Variants in SDK2 observed in about 807,000 individuals in gnomAD.
SDK2 encodes the protein protein sidekick-2.
A neutral mutation model predicts 253.9 loss-of-function variants in SDK2; 105 were observed. The observed-to-expected ratio is 0.41, with a 90% CI of 0.35 to 0.49. The LOEUF (loss-of-function observed/expected upper bound fraction) is 0.49, where lower values mean the gene tolerates loss of function less well. SDK2 is among the 20% of genes least tolerant of loss of function. The pLI, the probability that SDK2 is intolerant of heterozygous loss-of-function variation, is 0.06. For synonymous variants in SDK2, 1,249 were observed against 1,234.9 expected, an observed-to-expected ratio of 1.01 and a Z score of -0.24; for missense variants, 2,608 against 3,003.0, an observed-to-expected ratio of 0.87 and a Z score of 3.07.
At chr17:73,641,955 C>T (rs530719952) in intron 1 of SDK2, among the ~76,000 whole-genome samples, 1 of 152,158 alleles carries the variant, frequency 6.6e-6, no homozygotes, top group East Asian at 1.9e-4. Flanking sequence ...GGGCTCGATG[C>T]TGGAAAACAC....
intron 1 of SDK2, among the ~76,000 whole-genome samples, chr17:73,559,118 A>G (rs1306992423): frequency 2.6e-5 from 4 of 152,144 alleles, no homozygotes; most frequent in South Asian, 2.1e-4. Context: ...ACTGATTTCA[A>G]CTGGACTCTC....
intron 1 of SDK2, among the ~76,000 whole-genome samples, chr17:73,628,420 G>A (rs926414591): frequency 1.3e-5 from 2 of 152,242 alleles, no homozygotes; most frequent in African/African-American, 4.8e-5. Context: ...GAGGATTGGA[G>A]GGGCAGATCC....
chr17:73,401,921 AAG>A (rs2063030962), intron 19 of SDK2, 23 bp downstream of exon 19: 4 of 1,557,372 alleles, frequency 2.6e-6, no homozygotes, highest in Non-Finnish European at 3.5e-6. Context: ...GGGGGGCAGA[AAG>A]AGCAGGGCTG....
Position 73,570,728 on chromosome 17 carries a change from C to T in SDK2, c.65-63131G>A, listed in dbSNP as rs1007105900. 6.6e-6 allele frequency among the ~76,000 whole-genome samples: 1 copy of T among 152,228 alleles called. No individual in the cohort carries two copies. Among genetic ancestry groups the T allele is most frequent in the South Asian group, 2.1e-4 (1 of 4,830 alleles). On this transcript the variant is annotated intron_variant, in intron 1 of 44. Transcript: ENST00000392650. This position sits in a 1 kb window ranked among gnomAD's most constrained non-coding sequence, Gnocchi z 4.2. ...TCCTTGCCCGTGGCAGAACTCATAT[C>T]AAAGCCAGGTCAGTCTCTAACACCG... is the stretch of plus-strand genomic sequence containing the variant.
intron 1 of SDK2, among the ~76,000 whole-genome samples, chr17:73,615,371 C>T (rs531930304): frequency 1.8e-4 from 27 of 152,304 alleles, no homozygotes; most frequent in African/African-American, 5.1e-4. Flanking sequence ...AGTCTCTGCC[C>T]GGATGCCCTC....
intron 3 of SDK2, among the ~76,000 whole-genome samples, chr17:73,466,019 G>T (rs113002472): frequency 6.6e-6 from 1 of 152,322 alleles, no homozygotes; most frequent in South Asian, 2.1e-4. Flanking sequence ...GCCCCAGACT[G>T]GGGTAGGGAG....
intron 1 of SDK2, among the ~76,000 whole-genome samples, chr17:73,594,490 GGA>G (rs147763934): frequency 4.0e-5 from 6 of 151,464 alleles, no homozygotes; most frequent in Non-Finnish European, 5.9e-5. Context: ...AGAGGGAGGG[GGA>G]GAGAGAGAGA....
intron 2 of SDK2, among the ~76,000 whole-genome samples, chr17:73,489,971 T>C (rs2145727130): frequency 6.6e-6 from 1 of 151,900 alleles, no homozygotes; most frequent in Non-Finnish European, 1.5e-5. Flanking sequence ...GGGCACAGAG[T>C]TTTCTGCAAA....
At chr17:73,450,535 G>C (rs902285444) in intron 4 of SDK2, among the ~76,000 whole-genome samples, 1 of 152,168 alleles carries the variant, frequency 6.6e-6, no homozygotes, top group African/African-American at 2.4e-5. Context: ...CAAGCCTCCA[G>C]TGGGCACACT....
chr17:73,576,968 C>A (rs1030682302), intron 1 of SDK2, among the ~76,000 whole-genome samples: 5 of 152,220 alleles, frequency 3.3e-5, no homozygotes, highest in African/African-American at 7.2e-5. Context: ...CTCTGAACAG[C>A]AGAGGCTTCG....
At chr17:73,429,211 A>G (rs1368726672) in intron 12 of SDK2, among the ~76,000 whole-genome samples, 1 of 152,168 alleles carries the variant, frequency 6.6e-6, no homozygotes, top group Non-Finnish European at 1.5e-5. Context: ...TGGGCCCGAG[A>G]TACACAGCAG....
intron 24 of SDK2, among the ~76,000 whole-genome samples, chr17:73,396,286 T>C (rs2062970164): frequency 6.6e-6 from 1 of 152,074 alleles, no homozygotes; most frequent in East Asian, 1.9e-4. Flanking sequence ...TGGATGACCA[T>C]GGGCAGTGCT....
At chr17:73,549,918 C>A (rs1290615875) in intron 1 of SDK2, among the ~76,000 whole-genome samples, 1 of 152,126 alleles carries the variant, frequency 6.6e-6, no homozygotes, top group Non-Finnish European at 1.5e-5. Flanking sequence ...TGGTCATAAC[C>A]AGGTGGAGGG....
intron 1 of SDK2, among the ~76,000 whole-genome samples, chr17:73,626,230 G>A (rs2046199200): frequency 6.6e-6 from 1 of 152,218 alleles, no homozygotes; most frequent in South Asian, 2.1e-4. Context: ...GAGCGAGCTG[G>A]GGAACAGATC....
In SDK2 at chr17:73,390,358, C is replaced by T. The variant is rs138821148; in HGVS notation, c.4121G>A (p.Arg1374His). 391 of 1,611,442 alleles carry T rather than the reference C, an allele frequency of 2.4e-4. 2 individuals carry two copies. The African/African-American group carries it at 4.5e-3, about 19-fold the overall frequency. ...GCCCTTGCGGGTCTGGGCCGTGATGCGGAACAGGTAGACAGACTCTGGCTT... is the reference window on the plus strand; with the variant it reads ...GCCCTTGCGGGTCTGGGCCGTGATGTGGAACAGGTAGACAGACTCTGGCTT... The part of the protein sequence containing the change: ...GLKPESVYLF[R>H]ITAQTRKGWG... Residue 1374 changes from arginine (R) to histidine (H), a missense_variant, in exon 29 of 45, where the codon CGC (arginine) becomes CAC (histidine). Physicochemically the swap from Arg to His is conservative, Grantham distance 29 (BLOSUM62 0). Around this residue, in one of 2 missense-constraint regions of SDK2, gnomAD observed 1,103 missense variants for 1,143.9 expected, o/e 0.96. Coordinates refer to ENST00000392650, the MANE Select transcript of SDK2 (RefSeq NM_001144952.2).
At chr17:73,471,553 G>A (rs1173211998) in intron 3 of SDK2, among the ~76,000 whole-genome samples, 2 of 152,150 alleles carry the variant, frequency 1.3e-5, no homozygotes, top group Admixed American at 6.5e-5. Context: ...AGCCAAGATT[G>A]CACCACTGAA....
rs1392940362 is a variant in SDK2, at chr17:73,402,022, G to T, written c.2604C>A (p.Phe868Leu). ...VSGLKKFTEY[F>L]TSVLCFTTPG... Reference sequence around the variant, plus strand: ...GGGTGGTGAAACACAGCACTGAGGTGAAGTACTCGGTGAACTTCTTCAGGC... The same window carrying T: ...GGGTGGTGAAACACAGCACTGAGGTTAAGTACTCGGTGAACTTCTTCAGGC... The change falls in exon 19 of 45, where the codon TTC becomes TTA. Residue 868 changes from phenylalanine to leucine, a missense_variant. Coordinates refer to ENST00000392650, the MANE Select transcript of SDK2 (RefSeq NM_001144952.2). 1.9e-6 allele frequency: 3 copies of T among 1,613,946 alleles called. No individual in the cohort carries two copies. Among genetic ancestry groups the T allele is most frequent in the South Asian group, 2.2e-5 (2 of 91,068 alleles).
chr17:73,459,661 G>C (rs373916806), intron 3 of SDK2, among the ~76,000 whole-genome samples: 3 of 151,658 alleles, frequency 2.0e-5, no homozygotes, highest in African/African-American at 7.3e-5. Context: ...TAGTTCTGTC[G>C]TTCCATTACT....
chr17:73,451,419 G>C (rs550208503), intron 4 of SDK2, among the ~76,000 whole-genome samples: 1 of 152,324 alleles, frequency 6.6e-6, no homozygotes, highest in Non-Finnish European at 1.5e-5. Flanking sequence ...CAGGAGAATT[G>C]CTTGAACTCA....
Sources: allele counts gnomAD v4.1 joint callset (sites outside exome capture counted in the v4.1 genomes callset), GRCh38; gene constraint gnomAD v4.1.1; regional missense constraint gnomAD v4.1.1; non-coding constraint Gnocchi (gnomAD v3.1); transcripts MANE v1.5; gene names NCBI Gene and HGNC (gene_info 2026-07-23, HGNC 2026-07-21).